The following RBFOX1 variants were observed in gnomAD, a reference collection of about 807,000 sequenced individuals.
RBFOX1 encodes the protein RNA binding protein fox-1 homolog 1.
Under a neutral mutation model 57.7 loss-of-function variants are expected in RBFOX1, and 8 were observed. That is an observed-to-expected ratio of 0.14 (90% CI 0.08 to 0.25). The LOEUF (loss-of-function observed/expected upper bound fraction) is 0.25, where lower values mean the gene tolerates loss of function less well. RBFOX1 is among the 10% of genes least tolerant of loss of function. The pLI, the probability that RBFOX1 is intolerant of heterozygous loss-of-function variation, is 1.00. For synonymous variants in RBFOX1, 326 were observed against 222.4 expected (o/e 1.47, Z -4.15); for missense variants, 611 against 548.5 (o/e 1.11, Z -1.14).
chr16:6,528,038 C>G (rs1289954642), intron 2 of RBFOX1, among the ~76,000 whole-genome samples: 2 of 152,148 alleles, frequency 1.3e-5, no homozygotes, highest in African/African-American at 4.8e-5. Flanking sequence ...GAATTTCCTT[C>G]TACCTTACAT....
At chr16:6,397,022 C>G (rs888881186) in intron 2 of RBFOX1, among the ~76,000 whole-genome samples, 6 of 151,680 alleles carry the variant, frequency 4.0e-5, no homozygotes, top group South Asian at 2.1e-4. Flanking sequence ...TGAAAAAAAG[C>G]AAATGATTTG....
chr16:6,705,293 TTGAG>T (rs1322934683), intron 3 of RBFOX1: 8 of 151,158 alleles, frequency 5.3e-5, no homozygotes, highest in African/African-American at 2.0e-4. Context: ...TTCTCACTGT[TTGAG>T]TGGGAGGTTA....
chr16:6,312,698 T>A (rs1290683284), intron 1 of RBFOX1, among the ~76,000 whole-genome samples: 3 of 148,828 alleles, frequency 2.0e-5, no homozygotes, highest in Non-Finnish European at 3.0e-5. Flanking sequence ...CCTTCCTTCC[T>A]TCCTTCCTTC....
chr16:5,554,415 T>C (rs1300137985), intron 2 of RBFOX1, among the ~76,000 whole-genome samples: 2 of 152,214 alleles, frequency 1.3e-5, no homozygotes, highest in Non-Finnish European at 2.9e-5. Flanking sequence ...ATTATTTTTC[T>C]ATATTTTCAA....
intron 2 of RBFOX1, among the ~76,000 whole-genome samples, chr16:6,529,991 G>C (rs1199719381): frequency 6.6e-6 from 1 of 152,090 alleles, no homozygotes. Context: ...TTGGTTATTA[G>C]ATATAGTCTC....
intron 4 of RBFOX1, among the ~76,000 whole-genome samples, chr16:7,289,685 T>C (rs1158363527): frequency 6.6e-6 from 1 of 152,168 alleles, no homozygotes; most frequent in Non-Finnish European, 1.5e-5. Context: ...ATCACAATTA[T>C]CCTTGAAGCT....
At chr16:7,148,743 C>A (rs575003121) in intron 4 of RBFOX1, among the ~76,000 whole-genome samples, 1 of 152,162 alleles carries the variant, frequency 6.6e-6, no homozygotes, top group Admixed American at 6.5e-5. Context: ...TGAGCAGAAA[C>A]CCGAAGAGGC....
At chr16:6,296,717 G>T (rs2078160548) in intron 1 of RBFOX1, among the ~76,000 whole-genome samples, 1 of 152,212 alleles carries the variant, frequency 6.6e-6, no homozygotes, top group Non-Finnish European at 1.5e-5. Context: ...ACCGTACCCA[G>T]CCTGTGTATT....
chr16:7,674,967 G>A (rs1417541857), intron 13 of RBFOX1, among the ~76,000 whole-genome samples: 11 of 152,250 alleles, frequency 7.2e-5, no homozygotes, highest in East Asian at 5.8e-4. Context: ...TGATTCACAT[G>A]GCATCTGATT....
At chr16:7,559,700 C>T (rs1876343) in intron 5 of RBFOX1, among the ~76,000 whole-genome samples, 49,291 of 152,138 alleles carry the variant, frequency 0.32, 9,751 homozygotes, top group East Asian at 0.64. Flanking sequence ...TGTGTGCCCA[C>T]ACAGTGCCAG....
chr16:6,437,259 G>T (rs1330990302), intron 2 of RBFOX1, among the ~76,000 whole-genome samples: 1 of 152,142 alleles, frequency 6.6e-6, no homozygotes, highest in African/African-American at 2.4e-5. Context: ...ATTCCCTACT[G>T]ACCTGCATTT....
At chr16:6,736,403 T>G (rs1021137775) in intron 3 of RBFOX1, among the ~76,000 whole-genome samples, 37 of 152,274 alleles carry the variant, frequency 2.4e-4, no homozygotes, top group African/African-American at 8.9e-4. Flanking sequence ...TGAGAAAATA[T>G]CATGTTTGGT....
chr16:7,221,150 T>C (rs141836729), intron 4 of RBFOX1, among the ~76,000 whole-genome samples: 2 of 152,282 alleles, frequency 1.3e-5, no homozygotes, highest in African/African-American at 4.8e-5. Context: ...TGAATGTCTC[T>C]ATAATATCTC....
intron 3 of RBFOX1, among the ~76,000 whole-genome samples, chr16:6,766,020 T>G (rs1372516847): frequency 2.0e-5 from 3 of 152,074 alleles, no homozygotes; most frequent in African/African-American, 7.2e-5. Flanking sequence ...ACTACCTATT[T>G]AGTACAACGT....
At chr16:5,452,328 C>T (rs190852277) in intron 1 of RBFOX1, among the ~76,000 whole-genome samples, 1 of 151,700 alleles carries the variant, frequency 6.6e-6, no homozygotes. Flanking sequence ...CTGCTGGTTT[C>T]AAACTCCTGG....
chr16:5,738,021 C>A (rs1597042225), intron 3 of RBFOX1, among the ~76,000 whole-genome samples: 1 of 151,002 alleles, frequency 6.6e-6, no homozygotes, highest in African/African-American at 2.4e-5. Context: ...CCCACCCCCT[C>A]CAGGCACCAG....
intron 3 of RBFOX1, among the ~76,000 whole-genome samples, chr16:6,968,897 G>T (rs1307382471): frequency 3.3e-5 from 5 of 151,930 alleles, no homozygotes; most frequent in Non-Finnish European, 1.5e-5. Flanking sequence ...TCTGTGTCAG[G>T]ATTCACATAA....
At chr16:6,590,053 G>A (rs79284161) in intron 2 of RBFOX1, among the ~76,000 whole-genome samples, 3,904 of 152,216 alleles carry the variant, frequency 0.026, 126 homozygotes, top group African/African-American at 0.074. Flanking sequence ...AAAAGAAAAA[G>A]GAAAGAGAAA....
intron 3 of RBFOX1, among the ~76,000 whole-genome samples, chr16:6,728,368 G>A (rs2067728471): frequency 4.2e-5 from 1 of 23,640 alleles, no homozygotes; most frequent in Non-Finnish European, 5.0e-3. Flanking sequence ...AAATCCCAAT[G>A]TCTTGTCGTT....
Sources: allele counts gnomAD v4.1 joint callset (sites outside exome capture counted in the v4.1 genomes callset), GRCh38; gene constraint gnomAD v4.1.1; transcripts MANE v1.5; gene names NCBI Gene and HGNC (gene_info 2026-07-23, HGNC 2026-07-21).